MAL2: variants seen among roughly 807,000 people sequenced by gnomAD.
MAL2 encodes mal, T cell differentiation protein 2.
MAL2 carries 17 observed loss-of-function variants against 18.1 expected under a neutral mutation model. That is an observed-to-expected ratio of 0.94 (90% CI 0.64 to 1.41). MAL2 has a LOEUF of 1.41. Ranked by LOEUF, MAL2 falls within the 40% of genes most tolerant of loss-of-function variation. The pLI, the probability that MAL2 is intolerant of heterozygous loss-of-function variation, is 0.00. For missense variants in MAL2, 222 were observed against 231.9 expected (o/e 0.96, Z 0.28); for synonymous variants, 102 against 102.3 (o/e 1.00, Z 0.02).
In MAL2 at chr8:119,219,490, AT is replaced by A. The variant is rs372075973; in HGVS notation, c.133-2094del. 2.8e-3 allele frequency among the ~76,000 whole-genome samples: 428 copies of A among 151,810 alleles called. 1 individual carries two copies. The highest frequency in any genetic ancestry group is 9.7e-3 in the African/African-American group (403 of 41,392). On this transcript the variant is annotated intron_variant, in intron 1 of 3. Transcript: ENST00000614891. The stretch of plus-strand genomic sequence containing the variant: ...CACTAGCTTGTTTACTAAGCAAATA[AT>A]TTAAGAGCGTGCTCTATCACTCTCC...
Position 119,244,885 on chromosome 8 carries a change from C to T in MAL2, c.*1397C>T, listed in dbSNP as rs1818119912. 6.6e-6 allele frequency: 1 copy of T among 152,598 alleles called. No homozygotes were observed. The highest frequency in any genetic ancestry group is 2.1e-4 in the South Asian group (1 of 4,824). 9.5% of individuals were successfully genotyped at this position (152,598 alleles called of 1,614,324 possible). A position where few individuals can be genotyped will look rare whatever the true frequency, so the allele number is the denominator to read the frequency against. The stretch of plus-strand genomic sequence containing the variant: ...ACAAGTAAGAGTGAGGCCACAGTTC[C>T]CACCACACGAGGGCTTTTGTATTGT... On this transcript the variant is annotated 3_prime_UTR_variant, in exon 4 of 4. Transcript: ENST00000614891.
At chr8:119,227,606 C>T (rs1817622442) in intron 2 of MAL2, among the ~76,000 whole-genome samples, 1 of 152,188 alleles carries the variant, frequency 6.6e-6, no homozygotes, top group Admixed American at 6.5e-5. Flanking sequence ...TGGAGGCTGT[C>T]AGCTACCTGC....
At chr8:119,234,821 T>C (rs987969262) in intron 2 of MAL2, among the ~76,000 whole-genome samples, 1 of 151,372 alleles carries the variant, frequency 6.6e-6, no homozygotes, top group Non-Finnish European at 1.5e-5. Context: ...ATCACCATCA[T>C]CAAAGACCAA....
rs1176685659 is a variant in MAL2 at position 119,245,498 on chromosome 8, A to G, written c.*2010A>G. On this transcript the variant is annotated 3_prime_UTR_variant, in exon 4 of 4. Coordinates refer to ENST00000614891, the MANE Select transcript of MAL2 (RefSeq NM_052886.3). ...TAGATTTGTAGCTTAATCACATTCTAGACTTGTGAGTTGAATGACAAAGCA... is the reference window on the plus strand; with the variant it reads ...TAGATTTGTAGCTTAATCACATTCTGGACTTGTGAGTTGAATGACAAAGCA... 2 of 152,652 alleles carry G rather than the reference A, an allele frequency of 1.3e-5. No individual in the cohort carries two copies. The highest frequency in any genetic ancestry group is 2.9e-5 in the Non-Finnish European group (2 of 68,034). The allele number at this position is 152,652 out of a possible 1,614,324, so 9.5% of individuals were successfully genotyped here. A position where few individuals can be genotyped will look rare whatever the true frequency, so the allele number is the denominator to read the frequency against.
chr8:119,226,817 A>G (rs1817606129), intron 2 of MAL2, among the ~76,000 whole-genome samples: 1 of 152,248 alleles, frequency 6.6e-6, no homozygotes, highest in South Asian at 2.1e-4. Flanking sequence ...CTCTGGGAGT[A>G]GGACTCAGCT....
intron 2 of MAL2, among the ~76,000 whole-genome samples, chr8:119,238,924 A>G (rs1267418605): frequency 6.6e-6 from 1 of 151,866 alleles, no homozygotes; most frequent in East Asian, 1.9e-4. Flanking sequence ...AAATTGACAA[A>G]TGGGAGCTAA....
chr8:119,221,889 G>A (rs2129811785), intron 2 of MAL2, 132 bp downstream of exon 2: 1 of 975,088 alleles, frequency 1.0e-6, no homozygotes, highest in Non-Finnish European at 1.5e-6. Context: ...AGAGACTGCT[G>A]TGGTGCTGCG....
Position 119,208,828 on chromosome 8 carries a change from A to G in MAL2, c.132+224A>G. The G allele has an allele frequency of 1.6e-6, 1 of 622,416 alleles. No homozygotes were observed. The highest frequency in any genetic ancestry group is 2.3e-6 in the Non-Finnish European group (1 of 443,910). 38.6% of individuals were successfully genotyped at this position (622,416 alleles called of 1,614,324 possible). ...GCACCTGCTCCCCCGCGGGCGACGG[A>G]AATTGCCTGGGGAGGGCGAGTAGGC... On this transcript the variant is annotated intron_variant, in intron 1 of 3. Transcript: ENST00000614891. The surrounding 1 kb of genome is among the most constrained non-coding windows in gnomAD (Gnocchi z 4.3).
Position 119,243,549 on chromosome 8 carries a change from A to G in MAL2, c.*61A>G, listed in dbSNP as rs941441988. ...ACTTGTCTACTTTATATGTCTGATCAATTTGGATACCATTTTGTCCAGATG... is the reference window on the plus strand; with the variant it reads ...ACTTGTCTACTTTATATGTCTGATCGATTTGGATACCATTTTGTCCAGATG... On this transcript the variant is annotated 3_prime_UTR_variant, in exon 4 of 4. Coordinates refer to ENST00000614891, the MANE Select transcript of MAL2 (RefSeq NM_052886.3). 91 of 1,418,242 alleles carry G rather than the reference A, an allele frequency of 6.4e-5. No homozygotes were observed. Among genetic ancestry groups the G allele is most frequent in the Non-Finnish European group, 8.5e-5 (89 of 1,049,128 alleles). 87.9% of individuals were successfully genotyped at this position (1,418,242 alleles called of 1,614,324 possible).
intron 2 of MAL2, among the ~76,000 whole-genome samples, chr8:119,230,817 C>T (rs1359188889): frequency 6.6e-6 from 1 of 152,126 alleles, no homozygotes; most frequent in Non-Finnish European, 1.5e-5. Flanking sequence ...TGACCTTCAT[C>T]AGCTAATATT....
At chr8:119,240,709 A>C (rs1818030074) in intron 3 of MAL2, among the ~76,000 whole-genome samples, 1 of 152,168 alleles carries the variant, frequency 6.6e-6, no homozygotes, top group Non-Finnish European at 1.5e-5. Context: ...CTATTGAATG[A>C]ATAGTTACTG....
intron 2 of MAL2, among the ~76,000 whole-genome samples, chr8:119,230,303 G>A (rs912923705): frequency 6.6e-5 from 10 of 152,008 alleles, no homozygotes; most frequent in South Asian, 2.1e-4. Flanking sequence ...AGTGAGAAGC[G>A]CGAGAAGTGT....
Position 119,243,566 on chromosome 8 carries a change from G to A in MAL2, c.*78G>A. 7.7e-7 allele frequency: 1 copy of A among 1,297,830 alleles called. No homozygotes were observed. Among genetic ancestry groups the A allele is most frequent in the Non-Finnish European group, 1.0e-6 (1 of 956,090 alleles). 80.4% of individuals were successfully genotyped at this position (1,297,830 alleles called of 1,614,324 possible). A position where few individuals can be genotyped will look rare whatever the true frequency, so the allele number is the denominator to read the frequency against. On this transcript the variant is annotated 3_prime_UTR_variant, in exon 4 of 4. Transcript: ENST00000614891. ...GTCTGATCAATTTGGATACCATTTT[G>A]TCCAGATGCAAAAACATTCCAAAAG... is the stretch of plus-strand genomic sequence containing the variant.
intron 3 of MAL2, among the ~76,000 whole-genome samples, chr8:119,241,592 A>G (rs1006314026): frequency 6.6e-6 from 1 of 152,150 alleles, no homozygotes. Context: ...TAGATAATAC[A>G]TGTCTAGAGT....
chr8:119,234,379 G>C (rs1817824400), intron 2 of MAL2, among the ~76,000 whole-genome samples: 1 of 152,314 alleles, frequency 6.6e-6, no homozygotes, highest in South Asian at 2.1e-4. Flanking sequence ...ACAAGGCTGG[G>C]GGAGGGGCGC....
At chr8:119,230,760 ATCATT>A (rs915664930) in intron 2 of MAL2, among the ~76,000 whole-genome samples, 6 of 152,216 alleles carry the variant, frequency 3.9e-5, no homozygotes, top group African/African-American at 1.2e-4. Context: ...AAGATCTAGC[ATCATT>A]TCATTTAGCC....
chr8:119,240,541 T>C (rs1818026509), intron 3 of MAL2, among the ~76,000 whole-genome samples: 1 of 152,270 alleles, frequency 6.6e-6, no homozygotes, highest in Non-Finnish European at 1.5e-5. Context: ...TTGATGTTCA[T>C]GTAAGATCAT....
At chr8:119,219,692 G>C (rs1587123177) in intron 1 of MAL2, among the ~76,000 whole-genome samples, 1 of 152,138 alleles carries the variant, frequency 6.6e-6, no homozygotes, top group African/African-American at 2.4e-5. Flanking sequence ...AAGGATTACT[G>C]TGTAGATTAA....
chr8:119,239,452 T>A (rs1482216226), intron 2 of MAL2, among the ~76,000 whole-genome samples: 1 of 152,068 alleles, frequency 6.6e-6, no homozygotes, highest in African/African-American at 2.4e-5. Flanking sequence ...ATCATGCTGC[T>A]ATAAAGACAC....
Sources: gnomAD v4.1 joint callset for allele counts (sites outside exome capture counted in the v4.1 genomes callset) on GRCh38, gnomAD v4.1.1 for gene constraint, Gnocchi (gnomAD v3.1) non-coding constraint, MANE v1.5 for transcripts, NCBI Gene and HGNC (gene_info 2026-07-23, HGNC 2026-07-21) for gene names.